Variants in PCCB observed in about 807,000 individuals in gnomAD.
The protein encoded by PCCB is propionyl-CoA carboxylase subunit beta.
Under a neutral mutation model 60.7 loss-of-function variants are expected in PCCB, and 43 were observed. That is an observed-to-expected ratio of 0.71 (90% CI 0.55 to 0.91). PCCB has a LOEUF of 0.91. Among genes scored for constraint, PCCB ranks in the 40% least tolerant of loss-of-function variants. The pLI, the probability that PCCB is intolerant of heterozygous loss-of-function variation, is 0.00. For synonymous variants in PCCB, 276 were observed against 255.9 expected (o/e 1.08, Z -0.75); for missense variants, 766 against 702.8 (o/e 1.09, Z -1.02).
At chr3:136,322,906 T>C (rs1170784496) in intron 10 of PCCB, among the ~76,000 whole-genome samples, 2 of 152,126 alleles carry the variant, frequency 1.3e-5, no homozygotes, top group Non-Finnish European at 2.9e-5. Context: ...TCTTTTAGCA[T>C]TTTAAATATG....
chr3:136,329,857 A>G lies in PCCB; in HGVS notation c.1499-48A>G, dbSNP rs144001285. 5,563 of 1,610,844 alleles carry G rather than the reference A, an allele frequency of 3.5e-3. 16 individuals carry two copies. The highest frequency in any genetic ancestry group is 4.2e-3 in the Non-Finnish European group (4,970 of 1,177,326). ...GCTGAGCAGAAGGTTGAGGGGTGGC[A>G]TCATCTCGGGATGCAGATGATCCAC... On this transcript the variant is annotated intron_variant, in intron 14 of 14. Coordinates refer to ENST00000251654, the MANE Select transcript of PCCB (RefSeq NM_000532.5).
chr3:136,297,849 G>C (rs1447857323), intron 7 of PCCB, 103 bp from the exon 8 acceptor site: 9 of 1,279,474 alleles, frequency 7.0e-6, no homozygotes, highest in Non-Finnish European at 1.0e-5. Flanking sequence ...TATCAGCACG[G>C]TCTGCTACTG....
At chr3:136,270,968 A>G (rs1373957925) in intron 5 of PCCB, among the ~76,000 whole-genome samples, 2 of 151,988 alleles carry the variant, frequency 1.3e-5, no homozygotes, top group African/African-American at 2.4e-5. Context: ...TCCTTTGCCT[A>G]CTTTTTGATG....
rs1199231396 is a variant in PCCB at position 136,264,446 on chromosome 3, ATG to A, written c.543+2383_543+2384del. ...CTCATATATATGTGTGTGTGTATAT[ATG>A]TATATATATATATGTTCCTCCTGGC... On this transcript the variant is annotated intron_variant, in intron 5 of 14. Transcript: ENST00000251654. 5.4e-4 allele frequency among the ~76,000 whole-genome samples: 65 copies of A among 120,302 alleles called. 4 individuals are homozygous for A. Among genetic ancestry groups the A allele is most frequent in the South Asian group, 8.1e-4 (3 of 3,706 alleles). The allele number at this position is 120,302 out of a possible 152,430, so 78.9% of individuals were successfully genotyped here.
At chr3:136,315,609 T>C (rs1387525752) in intron 9 of PCCB, among the ~76,000 whole-genome samples, 2 of 152,022 alleles carry the variant, frequency 1.3e-5, no homozygotes, top group Non-Finnish European at 2.9e-5. Flanking sequence ...GGCAGGTGGA[T>C]TGCGTGAGGC....
chr3:136,257,537 A>T (rs1422992486), intron 3 of PCCB, among the ~76,000 whole-genome samples: 1 of 152,198 alleles, frequency 6.6e-6, no homozygotes, highest in East Asian at 1.9e-4. Flanking sequence ...TAGAAAACTA[A>T]CACAGAATAT....
rs3994953 is a variant in PCCB at position 136,254,518 on chromosome 3, CTTTTTTTTTTTT to C, written c.184-1319_184-1308del. Among the ~76,000 whole-genome samples the C allele has an allele frequency of 6.5e-4, 30 of 45,930 alleles. No individual in the cohort carries two copies. In the East Asian group the frequency reaches 6.6e-3, roughly 10 times the overall value. 30.1% of individuals were successfully genotyped at this position (45,930 alleles called of 152,430 possible). A position where few individuals can be genotyped will look rare whatever the true frequency, so the allele number is the denominator to read the frequency against. The stretch of plus-strand genomic sequence containing the variant: ...TACAGGTGTGAGCCACTGCGGCTAG[CTTTTTTTTTTTT>C]TTTTTTTTTTTTTTTTTTAAAAGAC... On this transcript the variant is annotated intron_variant, in intron 1 of 14. Transcript: ENST00000251654.
intron 5 of PCCB, among the ~76,000 whole-genome samples, chr3:136,280,092 A>G (rs888301319): frequency 6.6e-6 from 1 of 152,176 alleles, no homozygotes; most frequent in Non-Finnish European, 1.5e-5. Context: ...CCAAAGTACA[A>G]CACTACTTTT....
intron 10 of PCCB, among the ~76,000 whole-genome samples, chr3:136,318,034 T>C (rs1242816358): frequency 1.3e-5 from 2 of 152,254 alleles, no homozygotes; most frequent in Admixed American, 6.5e-5. Context: ...GGAAATTTTT[T>C]ATTGTCTTTA....
chr3:136,277,286 G>A (rs2108172190), intron 5 of PCCB, among the ~76,000 whole-genome samples: 1 of 152,292 alleles, frequency 6.6e-6, no homozygotes, highest in Admixed American at 6.5e-5. Context: ...TCATGCACTG[G>A]TTTTCTCCTT....
chr3:136,325,425 G>T (rs1236095546), intron 10 of PCCB, among the ~76,000 whole-genome samples: 1 of 151,742 alleles, frequency 6.6e-6, no homozygotes, highest in Admixed American at 6.6e-5. Flanking sequence ...GTGCAATCTT[G>T]GCTCACTGCA....
chr3:136,252,282 A>G, intron 1 of PCCB: 1 of 455,204 alleles, frequency 2.2e-6, no homozygotes, highest in Non-Finnish European at 4.4e-6. Context: ...TTTTTGAGAC[A>G]GAGTTCACTC....
intron 10 of PCCB, among the ~76,000 whole-genome samples, chr3:136,325,628 A>T (rs979471225): frequency 1.2e-4 from 18 of 152,122 alleles, no homozygotes; most frequent in African/African-American, 4.3e-4. Context: ...AAGTGCTGGG[A>T]TTACAGGTGT....
At chr3:136,315,986 A>G (rs1055062684) in intron 9 of PCCB, among the ~76,000 whole-genome samples, 3 of 152,166 alleles carry the variant, frequency 2.0e-5, no homozygotes, top group Non-Finnish European at 4.4e-5. Context: ...TTGGAGGCCA[A>G]GGTGGGAGGA....
chr3:136,314,973 G>A (rs1012456785), intron 9 of PCCB, among the ~76,000 whole-genome samples: 5 of 152,212 alleles, frequency 3.3e-5, no homozygotes, highest in African/African-American at 1.2e-4. Context: ...TGGTACTCCT[G>A]TGGAAAGGCT....
chr3:136,317,086 C>G lies in PCCB; in HGVS notation c.1090+22C>G, dbSNP rs760495269. On this transcript the variant is annotated intron_variant, in intron 10 of 14. Transcript: ENST00000251654. ...TCAGGTAGGATGGAGCTCTTATAAG[C>G]CTTGGTTTTGGGGTTGGAGGCCAGG... The G allele has an allele frequency of 2.5e-6, 4 of 1,613,832 alleles. No individual in the cohort carries two copies. The South Asian group carries it at 4.4e-5, about 18-fold the overall frequency.
At chr3:136,328,128 G>A (rs1305866668) in intron 13 of PCCB, among the ~76,000 whole-genome samples, 1 of 152,186 alleles carries the variant, frequency 6.6e-6, no homozygotes, top group African/African-American at 2.4e-5. Flanking sequence ...ACTCTTTTAA[G>A]CTCATAAGAA....
chr3:136,283,980 T>C, intron 6 of PCCB, 33 bp downstream of exon 6: 3 of 1,348,480 alleles, frequency 2.2e-6, no homozygotes, highest in Non-Finnish European at 3.2e-6. Context: ...TGGTGCCGTT[T>C]GAGATTTGTG....
intron 5 of PCCB, among the ~76,000 whole-genome samples, chr3:136,263,563 C>T (rs1941889105): frequency 6.6e-6 from 1 of 152,006 alleles, no homozygotes; most frequent in Non-Finnish European, 1.5e-5. Context: ...TGAGTCACCA[C>T]GCCTGGCTTT....
Sources: gnomAD v4.1 joint callset for allele counts (sites outside exome capture counted in the v4.1 genomes callset) on GRCh38, gnomAD v4.1.1 for gene constraint, MANE v1.5 for transcripts, NCBI Gene and HGNC (gene_info 2026-07-23, HGNC 2026-07-21) for gene names.